Variants in LRRIQ3 observed in about 807,000 individuals in gnomAD.
The protein encoded by LRRIQ3 is leucine-rich repeat and IQ domain-containing protein 3.
Under a neutral mutation model 59.3 loss-of-function variants are expected in LRRIQ3, and 75 were observed. The observed-to-expected ratio is 1.26, with a 90% CI of 1.05 to 1.53. The LOEUF (loss-of-function observed/expected upper bound fraction) is 1.53. Ranked by LOEUF, LRRIQ3 falls within the 40% of genes most tolerant of loss-of-function variation. The pLI is 0.00. For synonymous variants in LRRIQ3, 250 were observed against 231.3 expected (o/e 1.08, Z -0.73); for missense variants, 831 against 710.0 (o/e 1.17, Z -1.94).
chr1:74,121,838 G>T (rs572353752), intron 4 of LRRIQ3, among the ~76,000 whole-genome samples: 1 of 149,944 alleles, frequency 6.7e-6, no homozygotes, highest in Non-Finnish European at 1.5e-5. Context: ...GCAGTTTTTG[G>T]TTTTTTGTCC....
intron 4 of LRRIQ3, among the ~76,000 whole-genome samples, chr1:74,144,904 A>AAATAAAT (rs1647465120): frequency 6.6e-6 from 1 of 152,002 alleles, no homozygotes. Flanking sequence ...GAAAAATGAA[A>AAATAAAT]AATAAATGCA....
chr1:74,109,357 A>T, intron 5 of LRRIQ3, 37 bp downstream of exon 5: 1 of 1,320,282 alleles, frequency 7.6e-7, no homozygotes, highest in Non-Finnish European at 1.0e-6. Context: ...TATCTTAAAT[A>T]CATTTCAAAT....
At position 74,063,156 on chromosome 1, in the gene LRRIQ3, C is replaced by A. The variant is rs200666682; in HGVS notation, c.997+11505G>T. Among the ~76,000 whole-genome samples the A allele has an allele frequency of 4.2e-4, 63 of 149,352 alleles. 1 individual carries two copies. The East Asian group carries it at 8.7e-3, about 21-fold the overall frequency. ...AACAACAACAACAACAACAACAAAA[C>A]GAGGAAGGGTGTTTCCTAATTTACA... On this transcript the variant is annotated intron_variant, in intron 6 of 7. Coordinates refer to ENST00000354431, the MANE Select transcript of LRRIQ3 (RefSeq NM_001105659.2).
Position 74,052,942 on chromosome 1 carries a change from T to C in LRRIQ3, c.998-11009A>G, listed in dbSNP as rs117613252. ...TTTAAAAATAACATCTTCTTTGAGA[T>C]ACAATTCATATGCCAAAGAATGTAT... On this transcript the variant is annotated intron_variant, in intron 6 of 7. Coordinates refer to ENST00000354431, the MANE Select transcript of LRRIQ3 (RefSeq NM_001105659.2). Among the ~76,000 whole-genome samples the C allele has an allele frequency of 1.2e-4, 18 of 152,288 alleles. No homozygotes were observed. In the East Asian group the frequency reaches 3.3e-3, roughly 28 times the overall value.
At chr1:74,071,930 G>A (rs897764921) in intron 6 of LRRIQ3, among the ~76,000 whole-genome samples, 24 of 151,780 alleles carry the variant, frequency 1.6e-4, no homozygotes, top group Non-Finnish European at 3.1e-4. Context: ...TGAGAAAATG[G>A]AATAATATGG....
At chr1:74,072,839 T>A (rs1024748621) in intron 6 of LRRIQ3, among the ~76,000 whole-genome samples, 1 of 152,168 alleles carries the variant, frequency 6.6e-6, no homozygotes, top group African/African-American at 2.4e-5. Flanking sequence ...ACTTTGTGTA[T>A]GAAGTTTTGA....
At chr1:74,078,440 T>C (rs1419662292) in intron 5 of LRRIQ3, among the ~76,000 whole-genome samples, 2 of 151,830 alleles carry the variant, frequency 1.3e-5, no homozygotes, top group East Asian at 3.9e-4. Context: ...ATTAAGCAAA[T>C]GAAGTAAAAT....
intron 6 of LRRIQ3, among the ~76,000 whole-genome samples, chr1:74,053,845 A>G (rs1297126729): frequency 6.6e-6 from 1 of 152,216 alleles, no homozygotes. Flanking sequence ...AGAATGGCCA[A>G]AATTCAAAAC....
chr1:74,160,117 A>G (rs538516000), intron 3 of LRRIQ3, among the ~76,000 whole-genome samples: 1 of 152,200 alleles, frequency 6.6e-6, no homozygotes, highest in South Asian at 2.1e-4. Context: ...AAGATCTTGC[A>G]AGATAAAGTC....
chr1:74,091,748 A>C (rs905107061), intron 5 of LRRIQ3, among the ~76,000 whole-genome samples: 3 of 152,096 alleles, frequency 2.0e-5, no homozygotes, highest in Non-Finnish European at 2.9e-5. Context: ...TAATAATTCA[A>C]GTGGAAAGTA....
intron 7 of LRRIQ3, among the ~76,000 whole-genome samples, chr1:74,028,839 G>T (rs1653601044): frequency 6.6e-6 from 1 of 151,874 alleles, no homozygotes; most frequent in Non-Finnish European, 1.5e-5. Flanking sequence ...GTAGCTAAAA[G>T]TTAGCTACTA....
intron 6 of LRRIQ3, among the ~76,000 whole-genome samples, chr1:74,044,903 T>A (rs2100398732): frequency 6.6e-6 from 1 of 152,100 alleles, no homozygotes; most frequent in East Asian, 1.9e-4. Flanking sequence ...CTTCCAAGAC[T>A]AAACCATGAA....
intron 1 of LRRIQ3, among the ~76,000 whole-genome samples, chr1:74,194,722 T>G (rs1341168771): frequency 6.6e-6 from 1 of 152,186 alleles, no homozygotes; most frequent in Non-Finnish European, 1.5e-5. Flanking sequence ...TCACAACCTC[T>G]TAATAAAGAA....
intron 6 of LRRIQ3, among the ~76,000 whole-genome samples, chr1:74,071,057 A>ATT (rs1298908612): frequency 2.0e-5 from 3 of 150,710 alleles, no homozygotes; most frequent in Non-Finnish European, 3.0e-5. Flanking sequence ...ATACACACAC[A>ATT]TTATATATAT....
chr1:74,091,208 C>T (rs959403848), intron 5 of LRRIQ3, among the ~76,000 whole-genome samples: 1 of 152,044 alleles, frequency 6.6e-6, no homozygotes, highest in Non-Finnish European at 1.5e-5. Context: ...ATAAAACAGG[C>T]TGTAAATTAA....
In LRRIQ3 at chr1:74,155,756, A is replaced by G; in HGVS notation, c.684T>C (p.Gly228=). Residue 228 remains glycine, a synonymous_variant, in exon 4 of 8, where the codon GGT becomes GGC. Coordinates refer to ENST00000354431, the MANE Select transcript of LRRIQ3 (RefSeq NM_001105659.2). The part of the protein sequence containing the change: ...PVLIVQRWIR[G]FLVRKNLSPV... ...ACCTCAAATTTTTTCTAACTAAGAAACCACGTATCCATCTTTGAACAATCA... is the reference window on the plus strand; with the variant it reads ...ACCTCAAATTTTTTCTAACTAAGAAGCCACGTATCCATCTTTGAACAATCA... The G allele has an allele frequency of 6.4e-7, 1 of 1,573,288 alleles. No homozygotes were observed. The highest frequency in any genetic ancestry group is 8.6e-7 in the Non-Finnish European group (1 of 1,167,176).
intron 5 of LRRIQ3, among the ~76,000 whole-genome samples, chr1:74,086,136 T>C (rs1034494554): frequency 6.6e-6 from 1 of 152,114 alleles, no homozygotes; most frequent in African/African-American, 2.4e-5. Flanking sequence ...CAGCCTAACA[T>C]ATAATGCTGG....
chr1:74,190,543 G>A (rs890602108), intron 1 of LRRIQ3, among the ~76,000 whole-genome samples: 12 of 151,634 alleles, frequency 7.9e-5, no homozygotes, highest in African/African-American at 2.9e-4. Flanking sequence ...TAACATACGT[G>A]TAATAAAAAT....
chr1:74,167,847 T>C (rs1202934950), intron 3 of LRRIQ3, among the ~76,000 whole-genome samples: 4 of 151,884 alleles, frequency 2.6e-5, no homozygotes, highest in Admixed American at 6.6e-5. Context: ...AATTCCTCCT[T>C]GACTAATGGA....
Sources: allele counts gnomAD v4.1 joint callset (sites outside exome capture counted in the v4.1 genomes callset), GRCh38; gene constraint gnomAD v4.1.1; transcripts MANE v1.5; gene names NCBI Gene and HGNC (gene_info 2026-07-23, HGNC 2026-07-21).